The following ADARB2 variants were observed in gnomAD, a reference collection of about 807,000 sequenced individuals.
The protein encoded by ADARB2 is inactive double-stranded RNA-specific editase B2.
A neutral mutation model predicts 62.2 loss-of-function variants in ADARB2; 25 were observed. The ratio of observed to expected loss-of-function variants is 0.40; its 90% CI spans 0.29 to 0.56. ADARB2 has a LOEUF of 0.56. Ranked by LOEUF, ADARB2 falls within the 20% of genes least tolerant of loss-of-function variation. The probability of loss-of-function intolerance (pLI) is 0.43; values close to 1 mark genes in which losing one functional copy is unlikely to be tolerated. For synonymous variants in ADARB2, 572 were observed against 500.8 expected (o/e 1.14, Z -1.90); for missense variants, 1,071 against 1,077.4 (o/e 0.99, Z 0.08).
intron 1 of ADARB2, among the ~76,000 whole-genome samples, chr10:1,408,149 C>T (rs1391799022): frequency 1.3e-5 from 2 of 152,156 alleles, no homozygotes; most frequent in South Asian, 2.1e-4. Context: ...CTTAATGAAG[C>T]TGAGATCATG....
intron 8 of ADARB2, among the ~76,000 whole-genome samples, chr10:1,198,511 CA>C (rs1836940106): frequency 6.6e-6 from 1 of 152,196 alleles, no homozygotes; most frequent in South Asian, 2.1e-4. Context: ...TGCATGCAGG[CA>C]AGGTACCAAG....
chr10:1,229,728 T>G, intron 6 of ADARB2, among the ~76,000 whole-genome samples: 1 of 21,656 alleles, frequency 4.6e-5, no homozygotes, highest in East Asian at 6.0e-4. Flanking sequence ...ATGTGTGCAC[T>G]TGTGCTTGTT....
chr10:1,449,446 C>A (rs1032865268), intron 1 of ADARB2, among the ~76,000 whole-genome samples: 1 of 152,192 alleles, frequency 6.6e-6, no homozygotes, highest in Non-Finnish European at 1.5e-5. Flanking sequence ...ATCCATTGGT[C>A]CTGTGTGTTT....
At chr10:1,463,872 G>T (rs1435852134) in intron 1 of ADARB2, among the ~76,000 whole-genome samples, 1 of 152,232 alleles carries the variant, frequency 6.6e-6, no homozygotes, top group Admixed American at 6.5e-5. Flanking sequence ...ATGGTAAAGG[G>T]ATTTGAGCAG....
In ADARB2 at chr10:1,493,768, T is replaced by A. The variant is rs1228798422; in HGVS notation, c.101-114608A>T. 1.3e-4 allele frequency among the ~76,000 whole-genome samples: 10 copies of A among 74,474 alleles called. No homozygotes were observed. In the East Asian group the frequency reaches 2.6e-3, roughly 20 times the overall value. 48.9% of individuals were successfully genotyped at this position (74,474 alleles called of 152,430 possible). ...TTTTTTTTTTTTTTTTTTTTTTTTT[T>A]TTTTTTTTGAGATAGGGTCTCGCTC... On this transcript the variant is annotated intron_variant, in intron 1 of 9. Coordinates refer to ENST00000381312, the MANE Select transcript of ADARB2 (RefSeq NM_018702.4).
chr10:1,416,660 G>A (rs1468871897), intron 1 of ADARB2, among the ~76,000 whole-genome samples: 3 of 152,240 alleles, frequency 2.0e-5, no homozygotes, highest in East Asian at 3.8e-4. Flanking sequence ...ACACAGGTCC[G>A]TACCATGCAC....
chr10:1,344,568 C>A (rs1010884164), intron 3 of ADARB2, among the ~76,000 whole-genome samples: 1 of 152,180 alleles, frequency 6.6e-6, no homozygotes, highest in Non-Finnish European at 1.5e-5. Flanking sequence ...ACCCGCCAGG[C>A]CGCTGCAGGA....
intron 6 of ADARB2, among the ~76,000 whole-genome samples, chr10:1,233,035 CCTTTT>C (rs1158128161): frequency 6.6e-6 from 1 of 152,042 alleles, no homozygotes; most frequent in African/African-American, 2.4e-5. Context: ...CCCTGAAGCA[CCTTTT>C]CTTTTATCAT....
At chr10:1,675,570 G>C (rs1490451618) in intron 1 of ADARB2, among the ~76,000 whole-genome samples, 4 of 151,246 alleles carry the variant, frequency 2.6e-5, no homozygotes, top group African/African-American at 9.7e-5. Flanking sequence ...CTGGAGGTTT[G>C]GGTTCAGGGA....
chr10:1,187,783 A>G, intron 8 of ADARB2: 1 of 382,370 alleles, frequency 2.6e-6, no homozygotes, highest in Non-Finnish European at 5.5e-6. Context: ...CTGGTGGGGC[A>G]GCGAGGGAGG....
chr10:1,699,163 C>CA (rs1834787686), intron 1 of ADARB2, among the ~76,000 whole-genome samples: 1 of 152,260 alleles, frequency 6.6e-6, no homozygotes, highest in South Asian at 2.1e-4. Flanking sequence ...CAGCATACTG[C>CA]AATCCCACTC....
At chr10:1,712,611 CTT>C (rs763837957) in intron 1 of ADARB2, among the ~76,000 whole-genome samples, 6 of 138,660 alleles carry the variant, frequency 4.3e-5, no homozygotes, top group Non-Finnish European at 6.2e-5. Context: ...ACCACCATTA[CTT>C]TTTTTTTTTT....
chr10:1,272,255 T>C (rs1831269568), intron 3 of ADARB2, among the ~76,000 whole-genome samples: 1 of 152,214 alleles, frequency 6.6e-6, no homozygotes, highest in African/African-American at 2.4e-5. Context: ...TTGATGTTGA[T>C]ACTGTGCAGC....
intron 1 of ADARB2, among the ~76,000 whole-genome samples, chr10:1,413,958 G>A (rs557788556): frequency 6.6e-6 from 1 of 152,298 alleles, no homozygotes; most frequent in South Asian, 2.1e-4. Flanking sequence ...TGTCCTCTCA[G>A]TGAAGCCCAA....
chr10:1,408,576 G>A (rs989710384), intron 1 of ADARB2, among the ~76,000 whole-genome samples: 3 of 152,138 alleles, frequency 2.0e-5, no homozygotes, highest in Non-Finnish European at 1.5e-5. Context: ...GCATGAATAT[G>A]CCCATCTCAC....
At chr10:1,732,571 C>A (rs923817892) in intron 1 of ADARB2, among the ~76,000 whole-genome samples, 1 of 152,210 alleles carries the variant, frequency 6.6e-6, no homozygotes, top group Non-Finnish European at 1.5e-5. Flanking sequence ...AAGCACCACA[C>A]AATTAGGTGC....
chr10:1,615,541 T>C (rs1179699740), intron 1 of ADARB2, among the ~76,000 whole-genome samples: 2 of 152,204 alleles, frequency 1.3e-5, no homozygotes, highest in Non-Finnish European at 2.9e-5. Flanking sequence ...GTCCGATGCA[T>C]GCCATTTCCC....
At chr10:1,527,638 A>T (rs1832166011) in intron 1 of ADARB2, among the ~76,000 whole-genome samples, 1 of 152,228 alleles carries the variant, frequency 6.6e-6, no homozygotes, top group South Asian at 2.1e-4. Flanking sequence ...GATATACATA[A>T]CAGGATGATT....
intron 1 of ADARB2, among the ~76,000 whole-genome samples, chr10:1,639,773 C>T (rs376363062): frequency 2.0e-5 from 3 of 152,114 alleles, no homozygotes; most frequent in South Asian, 2.1e-4. Flanking sequence ...ACCCAGGAGG[C>T]GGAGGTTGCA....
Sources: gnomAD v4.1 joint callset for allele counts (sites outside exome capture counted in the v4.1 genomes callset) on GRCh38, gnomAD v4.1.1 for gene constraint, MANE v1.5 for transcripts, NCBI Gene and HGNC (gene_info 2026-07-23, HGNC 2026-07-21) for gene names.